The following THSD7B variants were observed in gnomAD, a reference collection of about 807,000 sequenced individuals.
The protein encoded by THSD7B is thrombospondin type 1 domain containing 7B, also known as thrombospondin type-1 domain-containing protein 7B.
A neutral mutation model predicts 213.6 loss-of-function variants in THSD7B; 138 were observed. That is an observed-to-expected ratio of 0.65 (90% CI 0.56 to 0.74). The LOEUF (loss-of-function observed/expected upper bound fraction) is 0.74, where lower values mean the gene tolerates loss of function less well. Among genes scored for constraint, THSD7B ranks in the 30% least tolerant of loss-of-function variants. The probability of loss-of-function intolerance (pLI) is 0.00; values close to 1 mark genes in which losing one functional copy is unlikely to be tolerated. For synonymous variants in THSD7B, 742 were observed against 687.0 expected (o/e 1.08, Z -1.25); for missense variants, 1,931 against 1,991.5 (o/e 0.97, Z 0.58).
chr2:137,622,592 A>G (rs984376984), intron 20 of THSD7B, among the ~76,000 whole-genome samples: 2 of 152,186 alleles, frequency 1.3e-5, no homozygotes, highest in Non-Finnish European at 2.9e-5. Flanking sequence ...CAAGACTAAT[A>G]AAGAAGAAAA....
rs70975722 is a variant in THSD7B at position 136,873,021 on chromosome 2, T to TTAAAAA, written c.-35-9123_-35-9122insTAAAAA. Among the ~76,000 whole-genome samples, 227 of 43,504 alleles carry TTAAAAA rather than the reference T, an allele frequency of 5.2e-3. 9 individuals are homozygous for TTAAAAA. The highest frequency in any genetic ancestry group is 0.019 in the Middle Eastern group (1 of 52). The allele number at this position is 43,504 out of a possible 152,430, so 28.5% of individuals were successfully genotyped here. On this transcript the variant is annotated intron_variant, in intron 1 of 27. Coordinates refer to ENST00000409968, the MANE Select transcript of THSD7B (RefSeq NM_001316349.2). Reference sequence around the variant, plus strand: ...CTGGGTGACAGAGCAAGACTCCATCTAAAAAAAAAAAAAAAAAAAAAAAAG... The same window carrying TTAAAAA: ...CTGGGTGACAGAGCAAGACTCCATCTTAAAAAAAAAAAAAAAAAAAAAAAAAAAAAG...
At chr2:137,666,258 G>A (rs571005688) in intron 26 of THSD7B, among the ~76,000 whole-genome samples, 2 of 152,052 alleles carry the variant, frequency 1.3e-5, no homozygotes, top group East Asian at 3.9e-4. Context: ...AAGCTATAAG[G>A]AGCATTCTCA....
rs56716402 is a variant in THSD7B at position 136,844,462 on chromosome 2, CAG to C, written c.-35-37650_-35-37649del. Among the ~76,000 whole-genome samples the C allele has an allele frequency of 3.5e-3, 503 of 142,420 alleles. 3 individuals carry two copies. Among genetic ancestry groups the C allele is most frequent in the South Asian group, 6.0e-3 (26 of 4,314 alleles). 93.4% of individuals were successfully genotyped at this position (142,420 alleles called of 152,430 possible). A position where few individuals can be genotyped will look rare whatever the true frequency, so the allele number is the denominator to read the frequency against. On this transcript the variant is annotated intron_variant, in intron 1 of 27. Transcript: ENST00000409968. ...ACCAAGGAGGAGAGGCCACCCAAAA[CAG>C]AGAGAGAGAGAGAGAGAGAGAGAGA...
chr2:137,207,522 A>C (rs1227486166), intron 7 of THSD7B, among the ~76,000 whole-genome samples: 1 of 152,078 alleles, frequency 6.6e-6, no homozygotes, highest in Non-Finnish European at 1.5e-5. Context: ...GTGTAATGCA[A>C]ATTGTTTGCA....
chr2:137,205,424 A>G (rs548253945), intron 7 of THSD7B, among the ~76,000 whole-genome samples: 2 of 152,072 alleles, frequency 1.3e-5, no homozygotes, highest in Admixed American at 6.6e-5. Context: ...ATGTTCAAAT[A>G]AAGACACACC....
At chr2:136,767,987 G>C (rs1369870658) in intron 1 of THSD7B, among the ~76,000 whole-genome samples, 1 of 152,160 alleles carries the variant, frequency 6.6e-6, no homozygotes, top group Non-Finnish European at 1.5e-5. Context: ...CTGTTAGACA[G>C]GTAGAAAATA....
At chr2:137,645,399 C>G (rs1359743151) in intron 21 of THSD7B, among the ~76,000 whole-genome samples, 1 of 152,204 alleles carries the variant, frequency 6.6e-6, no homozygotes, top group Non-Finnish European at 1.5e-5. Context: ...CAGTCTTTCT[C>G]TTAGAAACCT....
chr2:137,123,664 A>G (rs1221698923), intron 5 of THSD7B, among the ~76,000 whole-genome samples: 1 of 152,180 alleles, frequency 6.6e-6, no homozygotes, highest in Non-Finnish European at 1.5e-5. Flanking sequence ...AGAAAGGAGA[A>G]TGTTTTAAGG....
intron 4 of THSD7B, among the ~76,000 whole-genome samples, chr2:137,102,790 G>T (rs1688176423): frequency 6.6e-6 from 1 of 152,166 alleles, no homozygotes; most frequent in African/African-American, 2.4e-5. Flanking sequence ...GGATATCAGA[G>T]ATTGAAGATC....
At chr2:137,492,741 G>T (rs924321832) in intron 15 of THSD7B, among the ~76,000 whole-genome samples, 2 of 152,114 alleles carry the variant, frequency 1.3e-5, no homozygotes, top group African/African-American at 4.8e-5. Flanking sequence ...CATAGTATTT[G>T]GCATAAATTA....
intron 1 of THSD7B, among the ~76,000 whole-genome samples, chr2:136,822,918 C>T (rs1486928884): frequency 1.3e-5 from 2 of 152,134 alleles, no homozygotes; most frequent in African/African-American, 4.8e-5. Context: ...ATTGTTTATT[C>T]TAAGGAAATG....
At chr2:136,808,964 C>A (rs1479798710) in intron 1 of THSD7B, among the ~76,000 whole-genome samples, 1 of 152,154 alleles carries the variant, frequency 6.6e-6, no homozygotes. Flanking sequence ...ATTAGAAGCA[C>A]TAGTTTCAGT....
intron 15 of THSD7B, among the ~76,000 whole-genome samples, chr2:137,523,790 C>T (rs1437832234): frequency 6.6e-6 from 1 of 152,138 alleles, no homozygotes; most frequent in Non-Finnish European, 1.5e-5. Context: ...CTGGGGCACA[C>T]TCTTTTTTAA....
In THSD7B at chr2:137,389,402, A is replaced by AC. The variant is rs1685967896; in HGVS notation, c.2501-16211_2501-16210insC. Among the ~76,000 whole-genome samples, 184 of 38,074 alleles carry AC rather than the reference A, an allele frequency of 4.8e-3. 14 individuals carry two copies. Among genetic ancestry groups the AC allele is most frequent in the South Asian group, 7.2e-3 (4 of 556 alleles). The allele number at this position is 38,074 out of a possible 152,430, so 25.0% of individuals were successfully genotyped here. A position where few individuals can be genotyped will look rare whatever the true frequency, so the allele number is the denominator to read the frequency against. ...GATAGTTTGACCACTTCTTAATGTG[A>AC]TTTTTTTTTTTTTTTTTTTTTTTTT... On this transcript the variant is annotated intron_variant, in intron 12 of 27. Transcript: ENST00000409968.
chr2:136,779,198 ATGTGTGTGTGTGTGTGTG>A (rs199689020), intron 1 of THSD7B, among the ~76,000 whole-genome samples: 2 of 55,088 alleles, frequency 3.6e-5, no homozygotes, highest in Non-Finnish European at 8.0e-5. Context: ...ATATATATAT[ATGTGTGTGTGTGTGTGTG>A]TGTGTGTGTG....
intron 5 of THSD7B, among the ~76,000 whole-genome samples, chr2:137,154,037 A>G (rs1013252153): frequency 9.2e-5 from 14 of 152,174 alleles, no homozygotes; most frequent in African/African-American, 3.4e-4. Context: ...TTCTTTATCT[A>G]ACTTCTTTGA....
At chr2:137,187,113 C>T (rs940746715) in intron 7 of THSD7B, among the ~76,000 whole-genome samples, 5 of 152,150 alleles carry the variant, frequency 3.3e-5, no homozygotes, top group Non-Finnish European at 7.4e-5. Context: ...TCTTTCCATT[C>T]TTTCACTAGG....
At chr2:137,618,591 T>A in intron 19 of THSD7B, 84 bp downstream of exon 19, 2 of 1,207,924 alleles carry the variant, frequency 1.7e-6, no homozygotes, top group South Asian at 1.4e-5. Context: ...CCAATATAGA[T>A]AACAGACTGA....
At chr2:137,479,050 A>G (rs1558809849) in intron 15 of THSD7B, among the ~76,000 whole-genome samples, 2 of 152,268 alleles carry the variant, frequency 1.3e-5, no homozygotes, top group Admixed American at 1.3e-4. Flanking sequence ...AACTTGCTCA[A>G]ATGCTAGGAA....
Sources: gnomAD v4.1 joint callset for allele counts (sites outside exome capture counted in the v4.1 genomes callset) on GRCh38, gnomAD v4.1.1 for gene constraint, MANE v1.5 for transcripts, NCBI Gene and HGNC (gene_info 2026-07-23, HGNC 2026-07-21) for gene names.